Variants in KHDRBS2 observed in about 807,000 individuals in gnomAD.
KHDRBS2 encodes KH RNA binding domain containing, signal transduction associated 2.
A neutral mutation model predicts 44.3 loss-of-function variants in KHDRBS2; 26 were observed. That is an observed-to-expected ratio of 0.59 (90% CI 0.43 to 0.81). The LOEUF (loss-of-function observed/expected upper bound fraction) is 0.81, where lower values mean the gene tolerates loss of function less well. KHDRBS2 is among the 40% of genes least tolerant of loss of function. The pLI is 0.00. For synonymous variants in KHDRBS2, 194 were observed against 151.1 expected (o/e 1.28, Z -2.08); for missense variants, 476 against 433.1 (o/e 1.10, Z -0.88).
chr6:61,692,833 C>A (rs116855977), intron 8 of KHDRBS2, among the ~76,000 whole-genome samples: 1 of 152,126 alleles, frequency 6.6e-6, no homozygotes, highest in East Asian at 1.9e-4. Context: ...GTTCTTCCTG[C>A]CAATGTGAGC....
chr6:61,692,899 AG>A (rs1421151351), intron 8 of KHDRBS2, among the ~76,000 whole-genome samples: 2 of 151,976 alleles, frequency 1.3e-5, no homozygotes, highest in African/African-American at 4.8e-5. Context: ...TAACTCTCCA[AG>A]TCTAGGGGGT....
the KHDRBS2 span, among the ~76,000 whole-genome samples, chr6:61,576,859 G>A: frequency 6.6e-6 from 1 of 152,028 alleles, no homozygotes; most frequent in African/African-American, 2.4e-5. Context: ...TTATTTTCAT[G>A]CAGTTAAAAT....
the KHDRBS2 span, among the ~76,000 whole-genome samples, chr6:61,624,125 C>A: frequency 1.5e-3 from 228 of 152,282 alleles, 3 homozygotes; most frequent in East Asian, 0.038. Context: ...AATTTTGTAT[C>A]ATATGTCAAT....
chr6:62,112,178 A>G (rs570743211), intron 2 of KHDRBS2, among the ~76,000 whole-genome samples: 1 of 152,272 alleles, frequency 6.6e-6, no homozygotes, highest in South Asian at 2.1e-4. Flanking sequence ...ACCTTTCATA[A>G]TGTATCTAAA....
chr6:61,554,909 G>A, the KHDRBS2 span, among the ~76,000 whole-genome samples: 2 of 152,100 alleles, frequency 1.3e-5, no homozygotes, highest in Non-Finnish European at 2.9e-5. Context: ...CTTTGTAGGT[G>A]ACCTGCCCCT....
intron 4 of KHDRBS2, among the ~76,000 whole-genome samples, chr6:61,943,862 T>G (rs1184576982): frequency 6.6e-6 from 1 of 152,142 alleles, no homozygotes; most frequent in African/African-American, 2.4e-5. Flanking sequence ...GCATAGGTAT[T>G]TCTCAAAAGA....
the KHDRBS2 span, among the ~76,000 whole-genome samples, chr6:61,641,943 A>T: frequency 6.6e-6 from 1 of 152,180 alleles, no homozygotes; most frequent in Non-Finnish European, 1.5e-5. Context: ...TTGTTTTGTC[A>T]CATTTAGTCC....
intron 2 of KHDRBS2, among the ~76,000 whole-genome samples, chr6:62,076,824 T>G (rs1267364008): frequency 6.6e-6 from 1 of 151,930 alleles, no homozygotes; most frequent in Admixed American, 6.6e-5. Flanking sequence ...TTGGTAGGAT[T>G]GCTTGAAATT....
chr6:61,956,356 A>T (rs1184525388), intron 4 of KHDRBS2, among the ~76,000 whole-genome samples: 1 of 152,128 alleles, frequency 6.6e-6, no homozygotes, highest in African/African-American at 2.4e-5. Context: ...AAGACATCAT[A>T]GGGGGTAAAC....
At chr6:61,908,192 T>C (rs915210819) in intron 4 of KHDRBS2, among the ~76,000 whole-genome samples, 7 of 152,114 alleles carry the variant, frequency 4.6e-5, no homozygotes, top group African/African-American at 1.7e-4. Flanking sequence ...TATTAAAACA[T>C]CCTGGAGAGA....
intron 7 of KHDRBS2, among the ~76,000 whole-genome samples, chr6:61,699,525 C>G (rs901846939): frequency 4.0e-5 from 6 of 151,692 alleles, no homozygotes; most frequent in Admixed American, 2.6e-4. Context: ...CATATAAGGG[C>G]TGAGGGTAGG....
At chr6:61,794,446 C>A (rs1181983866) in intron 6 of KHDRBS2, among the ~76,000 whole-genome samples, 2 of 152,122 alleles carry the variant, frequency 1.3e-5, no homozygotes, top group African/African-American at 4.8e-5. Context: ...GTATTTTAAG[C>A]TACTGAAGCA....
the KHDRBS2 span, among the ~76,000 whole-genome samples, chr6:61,555,826 C>G: frequency 1.3e-5 from 2 of 152,316 alleles, no homozygotes; most frequent in East Asian, 3.9e-4. Flanking sequence ...TATGCTTTAA[C>G]TTGGGGGCCT....
At chr6:61,704,587 C>T (rs900962172) in intron 7 of KHDRBS2, among the ~76,000 whole-genome samples, 23 of 151,630 alleles carry the variant, frequency 1.5e-4, no homozygotes, top group African/African-American at 5.6e-4. Flanking sequence ...TCTTGAAGGA[C>T]CTTGTCTTAA....
At chr6:61,730,362 C>G (rs1276545446) in intron 7 of KHDRBS2, among the ~76,000 whole-genome samples, 1 of 151,874 alleles carries the variant, frequency 6.6e-6, no homozygotes, top group African/African-American at 2.4e-5. Flanking sequence ...ATTTTGTATC[C>G]CCATGGTGTA....
chr6:61,633,238 A>G, the KHDRBS2 span, among the ~76,000 whole-genome samples: 1 of 152,154 alleles, frequency 6.6e-6, no homozygotes, highest in Non-Finnish European at 1.5e-5. Context: ...GGAAAATACA[A>G]TAATTTTGAC....
chr6:62,264,520 G>C (rs996505257), intron 1 of KHDRBS2, among the ~76,000 whole-genome samples: 2 of 151,620 alleles, frequency 1.3e-5, no homozygotes, highest in East Asian at 1.9e-4. Flanking sequence ...AAAGAGCATG[G>C]GTTGGCTATT....
chr6:61,545,217 G>T, the KHDRBS2 span, among the ~76,000 whole-genome samples: 7 of 151,990 alleles, frequency 4.6e-5, no homozygotes, highest in Admixed American at 3.9e-4. Context: ...TGGCTGAGGT[G>T]GGAGGACCAC....
intron 4 of KHDRBS2, among the ~76,000 whole-genome samples, chr6:61,933,255 CA>C (rs1173261263): frequency 2.6e-5 from 4 of 152,244 alleles, no homozygotes; most frequent in Non-Finnish European, 4.4e-5. Flanking sequence ...GGAGAACAGT[CA>C]GGGGGAAATC....
Sources: gnomAD v4.1 joint callset for allele counts (sites outside exome capture counted in the v4.1 genomes callset) on GRCh38, gnomAD v4.1.1 for gene constraint, MANE v1.5 for transcripts, NCBI Gene and HGNC (gene_info 2026-07-23, HGNC 2026-07-21) for gene names.